Variants in MFSD6 observed in about 807,000 individuals in gnomAD.
MFSD6 encodes major facilitator superfamily domain containing 6.
A neutral mutation model predicts 56.3 loss-of-function variants in MFSD6; 26 were observed. That is an observed-to-expected ratio of 0.46 (90% confidence interval 0.34 to 0.64). The LOEUF (loss-of-function observed/expected upper bound fraction) is 0.64, where lower values mean the gene tolerates loss of function less well. Among genes scored for constraint, MFSD6 ranks in the 30% least tolerant of loss-of-function variants. The pLI, the probability that MFSD6 is intolerant of heterozygous loss-of-function variation, is 0.01. For missense variants in MFSD6, 750 were observed against 986.2 expected (o/e 0.76, Z 3.21); for synonymous variants, 331 against 366.9 (o/e 0.90, Z 1.12).
At position 190,447,562 on chromosome 2, in the gene MFSD6, T is replaced by C. The variant is rs1309549286; in HGVS notation, c.1532+10001T>C. Among the ~76,000 whole-genome samples the C allele has an allele frequency of 6.6e-6, 1 of 152,218 alleles. No homozygotes were observed. The highest frequency in any genetic ancestry group is 1.5e-5 in the Non-Finnish European group (1 of 68,036). On this transcript the variant is annotated intron_variant, in intron 3 of 7. Transcript: ENST00000392328. The surrounding 1 kb of genome is among the most constrained non-coding windows in gnomAD (Gnocchi z 4.5). ...AAAGAAGCCACATTAAAAAATAAAT[T>C]GCTTATATACTTCTTAGTGCCACGT...
rs1233604207 is a variant in MFSD6, at chr2:190,424,667, T to A, written c.-54+9254T>A. Among the ~76,000 whole-genome samples the A allele has an allele frequency of 1.3e-5, 2 of 152,202 alleles. No homozygotes were observed. Among genetic ancestry groups the A allele is most frequent in the African/African-American group, 2.4e-5 (1 of 41,450 alleles). On this transcript the variant is annotated intron_variant, in intron 2 of 7. Transcript: ENST00000392328. This position sits in a 1 kb window ranked among gnomAD's most constrained non-coding sequence, Gnocchi z 5.9. ...TTATTTTTGCCCATGGATGTCTAAT[T>A]ACCTCAGCACCATTTGTTGAAAGGT...
At chr2:190,452,212 G>A (rs1047290591) in intron 3 of MFSD6, among the ~76,000 whole-genome samples, 2 of 151,882 alleles carry the variant, frequency 1.3e-5, no homozygotes, top group Admixed American at 1.3e-4. Context: ...CCGAGATTGC[G>A]CCACTGCACT....
chr2:190,493,181 G>C (rs1472817044), intron 6 of MFSD6, among the ~76,000 whole-genome samples: 3 of 151,932 alleles, frequency 2.0e-5, no homozygotes, highest in African/African-American at 7.3e-5. Flanking sequence ...GTAAAGGGGT[G>C]GAAAAAGACA....
rs535369712 is a variant in MFSD6 at position 190,431,600 on chromosome 2, C to G, written c.-53-4377C>G. 6.6e-6 allele frequency among the ~76,000 whole-genome samples: 1 copy of G among 152,154 alleles called. No individual in the cohort carries two copies. Among genetic ancestry groups the G allele is most frequent in the African/African-American group, 2.4e-5 (1 of 41,448 alleles). On this transcript the variant is annotated intron_variant, in intron 2 of 7. Coordinates refer to ENST00000392328, the MANE Select transcript of MFSD6 (RefSeq NM_017694.4). The surrounding 1 kb of genome is among the most constrained non-coding windows in gnomAD (Gnocchi z 4.4). ...CGCGCCTGCAATCGCAGGCACTTGG[C>G]AGGCTGAGGCAGGGGAATCAGGCAG... is the stretch of plus-strand genomic sequence containing the variant.
At position 190,431,930 on chromosome 2, in the gene MFSD6, T is replaced by C. The variant is rs1686017729; in HGVS notation, c.-53-4047T>C. ...ACATTATTCTGGTATTGTTTCATAG[T>C]TGCATAATCTTCTCTTATTTCTGAA... On this transcript the variant is annotated intron_variant, in intron 2 of 7. Transcript: ENST00000392328. This position sits in a 1 kb window ranked among gnomAD's most constrained non-coding sequence, Gnocchi z 4.4. Among the ~76,000 whole-genome samples the C allele has an allele frequency of 1.3e-5, 2 of 152,248 alleles. No homozygotes were observed. Among genetic ancestry groups the C allele is most frequent in the African/African-American group, 2.4e-5 (1 of 41,460 alleles).
At chr2:190,475,059 A>G (rs541823167) in intron 4 of MFSD6, among the ~76,000 whole-genome samples, 1 of 152,272 alleles carries the variant, frequency 6.6e-6, no homozygotes. Context: ...TTGATGGGAC[A>G]TATCTCAAAA....
chr2:190,470,130 A>G (rs893828985), intron 4 of MFSD6, among the ~76,000 whole-genome samples: 2 of 152,232 alleles, frequency 1.3e-5, no homozygotes, highest in African/African-American at 4.8e-5. Context: ...CCTGTGCACA[A>G]CTATTAGACA....
chr2:190,475,091 A>G (rs1306357172), intron 4 of MFSD6, among the ~76,000 whole-genome samples: 3 of 152,164 alleles, frequency 2.0e-5, no homozygotes, highest in Non-Finnish European at 1.5e-5. Context: ...ATCTATGACA[A>G]ACCCACAGCC....
rs1441105877 is a variant in MFSD6 at position 190,498,755 on chromosome 2, G to A, written c.2172+1036G>A. Among the ~76,000 whole-genome samples, 1 of 152,174 alleles carries A rather than the reference G, an allele frequency of 6.6e-6. No individual in the cohort carries two copies. The highest frequency in any genetic ancestry group is 2.4e-5 in the African/African-American group (1 of 41,434). ...GATGATTTTAATATCTGCTGCTTGA[G>A]TAGCAATATTTTCATTACTTTGTGT... On this transcript the variant is annotated intron_variant, in intron 7 of 7. Transcript: ENST00000392328. This position sits in a 1 kb window ranked among gnomAD's most constrained non-coding sequence, Gnocchi z 5.9.
Position 190,469,077 on chromosome 2 carries a change from ATGG to A in MFSD6, c.1533-677_1533-675del, listed in dbSNP as rs1687765732. Among the ~76,000 whole-genome samples the A allele has an allele frequency of 6.6e-6, 1 of 152,154 alleles. No homozygotes were observed. The highest frequency in any genetic ancestry group is 6.5e-5 in the Admixed American group (1 of 15,270). ...TCTACTTATACTTTTGGCAGCGGTA[ATGG>A]TGGGGGTGAGAGAATGCAAGAGGTT... On this transcript the variant is annotated intron_variant, in intron 3 of 7. Transcript: ENST00000392328. This position sits in a 1 kb window ranked among gnomAD's most constrained non-coding sequence, Gnocchi z 5.3.
rs1488825171 is a variant in MFSD6 at position 190,433,626 on chromosome 2, AT to A, written c.-53-2343del. Among the ~76,000 whole-genome samples, 1 of 152,030 alleles carries A rather than the reference AT, an allele frequency of 6.6e-6. No homozygotes were observed. Among genetic ancestry groups the A allele is most frequent in the African/African-American group, 2.4e-5 (1 of 41,398 alleles). ...GTTATGTGAATTTCACTTCAGTTAA[AT>A]TTTTTTTAACCTAAAAAACCGACAT... On this transcript the variant is annotated intron_variant, in intron 2 of 7. Transcript: ENST00000392328. The surrounding 1 kb of genome is among the most constrained non-coding windows in gnomAD (Gnocchi z 4.5).
chr2:190,419,576 T>C (rs1690927120), intron 2 of MFSD6, among the ~76,000 whole-genome samples: 1 of 152,256 alleles, frequency 6.6e-6, no homozygotes, highest in South Asian at 2.1e-4. Context: ...CACACATTCT[T>C]ATCATGTTTG....
At chr2:190,407,667 G>A (rs1159030733), upstream of MFSD6, among the ~76,000 whole-genome samples, 1 of 152,080 alleles carries the variant, frequency 6.6e-6, no homozygotes, top group Non-Finnish European at 1.5e-5. The surrounding 1 kb of genome is among the most constrained non-coding windows in gnomAD (Gnocchi z 5.4). Flanking sequence ...TTCTTAGTGC[G>A]ACACACACGG....
chr2:190,471,112 G>A lies in MFSD6; in HGVS notation c.1630+1257G>A, dbSNP rs1687896553. On this transcript the variant is annotated intron_variant, in intron 4 of 7. Transcript: ENST00000392328. The surrounding 1 kb of genome is among the most constrained non-coding windows in gnomAD (Gnocchi z 4.7). ...GTCATTTAAGAATAACAGGAGGGTG[G>A]AGCCAAGATGGCCGAATAGGAACAG... is the stretch of plus-strand genomic sequence containing the variant. Among the ~76,000 whole-genome samples, 1 of 152,160 alleles carries A rather than the reference G, an allele frequency of 6.6e-6. No individual in the cohort carries two copies. The highest frequency in any genetic ancestry group is 2.1e-4 in the South Asian group (1 of 4,828).
At chr2:190,473,819 A>T (rs2125164319) in intron 4 of MFSD6, among the ~76,000 whole-genome samples, 1 of 152,318 alleles carries the variant, frequency 6.6e-6, no homozygotes, top group East Asian at 1.9e-4. Context: ...TTGGAAGTAA[A>T]GCACTCCTCA....
chr2:190,497,625 C>T lies in MFSD6; in HGVS notation c.2078C>T (p.Ser693Phe). ...AAACCAGCCTGGGGAGTCAGCTCTT[C>T]TCCCTGGGTGACCTTTGTCTATGCA... ...VNKPAWGVSS[S>F]PWVTFVYALY... The change falls in exon 7 of 8, where the codon TCT becomes TTT. Residue 693 changes from serine to phenylalanine, a missense_variant. Physicochemically the swap from Ser to Phe is radical, Grantham distance 155 (BLOSUM62 -2). Around this residue, in one of 5 missense-constraint regions of MFSD6, gnomAD observed 172 missense variants for 203.9 expected, o/e 0.84. Coordinates refer to ENST00000392328, the MANE Select transcript of MFSD6 (RefSeq NM_017694.4). This position sits in a 1 kb window ranked among gnomAD's most constrained non-coding sequence, Gnocchi z 5.2. 1.2e-6 allele frequency: 2 copies of T among 1,614,136 alleles called. No individual in the cohort carries two copies. Among genetic ancestry groups the T allele is most frequent in the Non-Finnish European group, 1.7e-6 (2 of 1,180,012 alleles).
intron 4 of MFSD6, among the ~76,000 whole-genome samples, chr2:190,472,923 G>A (rs2125159655): frequency 6.6e-6 from 1 of 152,292 alleles, no homozygotes; most frequent in South Asian, 2.1e-4. Context: ...GAGAGTGGGG[G>A]CCAATATTCA....
chr2:190,480,172 A>G (rs1688579503), intron 4 of MFSD6, among the ~76,000 whole-genome samples: 1 of 152,176 alleles, frequency 6.6e-6, no homozygotes, highest in Admixed American at 6.5e-5. Flanking sequence ...CAAAACAACA[A>G]CAAACAAACA....
intron 4 of MFSD6, among the ~76,000 whole-genome samples, chr2:190,481,232 T>C (rs1314884299): frequency 2.0e-5 from 3 of 152,270 alleles, no homozygotes; most frequent in Non-Finnish European, 4.4e-5. Context: ...AATGCCAGCA[T>C]GTAAAAATTC....
Sources: allele counts gnomAD v4.1 joint callset (sites outside exome capture counted in the v4.1 genomes callset), GRCh38; gene constraint gnomAD v4.1.1; regional missense constraint gnomAD v4.1.1; non-coding constraint Gnocchi (gnomAD v3.1); transcripts MANE v1.5; gene names NCBI Gene and HGNC (gene_info 2026-07-23, HGNC 2026-07-21).